SLC9A5: variants seen among roughly 807,000 people sequenced by gnomAD.
SLC9A5 encodes the protein sodium/hydrogen exchanger 5.
In SLC9A5, 52 loss-of-function variants were observed where a neutral mutation model predicts 91.7. That is an observed-to-expected ratio of 0.57 (90% CI 0.45 to 0.71). SLC9A5 has a LOEUF of 0.71. Ranked by LOEUF, SLC9A5 falls within the 30% of genes least tolerant of loss-of-function variation. The pLI is 0.00. For synonymous variants in SLC9A5, 419 were observed against 474.5 expected (o/e 0.88, Z 1.52); for missense variants, 871 against 1,158.9 (o/e 0.75, Z 3.61).
At position 67,252,930 on chromosome 16, in the gene SLC9A5, C is replaced by T. The variant is rs2035183683; in HGVS notation, c.490+86C>T. On this transcript the variant is annotated intron_variant, in intron 2 of 15. Transcript: ENST00000299798. The surrounding 1 kb of genome is among the most constrained non-coding windows in gnomAD (Gnocchi z 4.0). ...CTCTGGAGGCCCATGCTGGTGTGAGCCATGCCCTGAAAGCTCCATCCTAGG... is the reference window on the plus strand; with the variant it reads ...CTCTGGAGGCCCATGCTGGTGTGAGTCATGCCCTGAAAGCTCCATCCTAGG... 15 of 1,270,226 alleles carry T rather than the reference C, an allele frequency of 1.2e-5. No individual in the cohort carries two copies. The highest frequency in any genetic ancestry group is 1.5e-5 in the Non-Finnish European group (14 of 929,252). 78.7% of individuals were successfully genotyped at this position (1,270,226 alleles called of 1,614,324 possible).
In SLC9A5 at chr16:67,259,598, G is replaced by T; in HGVS notation, c.1652G>T (p.Gly551Val). 2 of 1,614,078 alleles carry T rather than the reference G, an allele frequency of 1.2e-6. No homozygotes were observed. The highest frequency in any genetic ancestry group is 2.2e-5 in the South Asian group (2 of 91,082). Residue 551 changes from glycine (G) to valine (V), a missense_variant, in exon 11 of 16, where the codon GGT (glycine) becomes GTT (valine). This residue lies in a region of SLC9A5 where 454 missense variants were observed against 718.3 expected (regional missense o/e 0.63). Coordinates refer to ENST00000299798, the MANE Select transcript of SLC9A5 (RefSeq NM_004594.3). ...DQGGHVLSST[G>V]LTLPSMPSRN... ...GGAGGCCACGTCTTGTCTTCCACAGGTCTCACTCTGCCTTCTATGCCCAGC... is the reference window on the plus strand; with the variant it reads ...GGAGGCCACGTCTTGTCTTCCACAGTTCTCACTCTGCCTTCTATGCCCAGC...
intron 1 of SLC9A5, among the ~76,000 whole-genome samples, chr16:67,251,534 C>T (rs892871168): frequency 9.5e-5 from 14 of 147,982 alleles, no homozygotes; most frequent in Non-Finnish European, 4.4e-5. Context: ...CTGCCTCAGT[C>T]TCCCAAGTAG....
Position 67,256,534 on chromosome 16 carries a change from C to G in SLC9A5, c.977C>G (p.Thr326Arg). 6.2e-7 allele frequency: 1 copy of G among 1,614,002 alleles called. No individual in the cohort carries two copies. The highest frequency in any genetic ancestry group is 8.5e-7 in the Non-Finnish European group (1 of 1,179,994). The change falls in exon 6 of 16, where the codon ACA becomes AGA. Residue 326 changes from threonine to arginine, a missense_variant. Thr to Arg is a moderately conservative substitution (Grantham distance 71). Transcript: ENST00000299798. This position sits in a 1 kb window ranked among gnomAD's most constrained non-coding sequence, Gnocchi z 4.1. ...GCCAACATCTCCCATAAGTCACGCA[C>G]AACTGTCAAATATACAATGAAGACT... is the stretch of plus-strand genomic sequence containing the variant. ...VEANISHKSR[T>R]TVKYTMKTLA... is the part of the protein sequence containing the mutation.
At chr16:67,264,597 G>C in intron 13 of SLC9A5, 75 bp downstream of exon 13, 1 of 1,499,164 alleles carries the variant, frequency 6.7e-7, no homozygotes, top group Non-Finnish European at 9.3e-7. Context: ...CTAGTGTTAG[G>C]ATCCAGCTTA....
intron 15 of SLC9A5, among the ~76,000 whole-genome samples, chr16:67,266,857 T>TC (rs2035725972): frequency 6.6e-6 from 1 of 150,704 alleles, no homozygotes; most frequent in African/African-American, 2.4e-5. Context: ...TTTCTTTTTT[T>TC]TTTTTTTTTT....
chr16:67,255,993 A>G lies in SLC9A5; in HGVS notation c.911+63A>G. 1 of 1,535,006 alleles carries G rather than the reference A, an allele frequency of 6.5e-7. No homozygotes were observed. The highest frequency in any genetic ancestry group is 2.3e-5 in the East Asian group (1 of 43,938). On this transcript the variant is annotated intron_variant, in intron 5 of 15. Coordinates refer to ENST00000299798, the MANE Select transcript of SLC9A5 (RefSeq NM_004594.3). This position sits in a 1 kb window ranked among gnomAD's most constrained non-coding sequence, Gnocchi z 4.9. Reference sequence around the variant, plus strand: ...GGGGCACTGGAGATGGTTGCCCCTCATAGGGACACAGGCAGGAACTTCAGG... The same window carrying G: ...GGGGCACTGGAGATGGTTGCCCCTCGTAGGGACACAGGCAGGAACTTCAGG...
chr16:67,265,946 C>A, intron 14 of SLC9A5, 142 bp from the exon 15 acceptor site: 1 of 1,118,522 alleles, frequency 8.9e-7, no homozygotes, highest in Non-Finnish European at 1.2e-6. Context: ...TAGGCCAGTG[C>A]TTGAAACAGC....
Position 67,271,595 on chromosome 16 carries a change from A to C in SLC9A5, c.*385A>C, listed in dbSNP as rs535617094. On this transcript the variant is annotated 3_prime_UTR_variant, in exon 16 of 16. Coordinates refer to ENST00000299798, the MANE Select transcript of SLC9A5 (RefSeq NM_004594.3). Reference sequence around the variant, plus strand: ...TCATTCCTATTCTTCAGTGGATGCCAGCCTTCCCTGCCCCAACTCCCTCCC... The same window carrying C: ...TCATTCCTATTCTTCAGTGGATGCCCGCCTTCCCTGCCCCAACTCCCTCCC... The C allele has an allele frequency of 1.9e-4, 41 of 218,930 alleles. No individual in the cohort carries two copies. In the South Asian group the frequency reaches 3.4e-3, roughly 18 times the overall value. 13.6% of individuals were successfully genotyped at this position (218,930 alleles called of 1,614,324 possible). A position where few individuals can be genotyped will look rare whatever the true frequency, so the allele number is the denominator to read the frequency against.
At position 67,271,029 on chromosome 16, in the gene SLC9A5, C is replaced by G. The variant is rs1252544237; in HGVS notation, c.2510C>G (p.Ser837Cys). The change falls in exon 16 of 16, where the codon TCT becomes TGT. Residue 837 changes from serine to cysteine, a missense_variant. By Grantham distance (112) the Ser-to-Cys change is moderately radical. Around this residue, in one of 3 missense-constraint regions of SLC9A5, gnomAD observed 295 missense variants for 326.0 expected, o/e 0.90. Coordinates refer to ENST00000299798, the MANE Select transcript of SLC9A5 (RefSeq NM_004594.3). ...CTCCACCTACCTTCTGATCCACGCT[C>G]TAGCTTCGCCTTCCCACCGAGCCTG... ...VPLHLPSDPR[S>C]SFAFPPSLAK... is the part of the protein sequence containing the mutation. 3 of 1,613,174 alleles carry G rather than the reference C, an allele frequency of 1.9e-6. No individual in the cohort carries two copies. Among genetic ancestry groups the G allele is most frequent in the Non-Finnish European group, 1.7e-6 (2 of 1,179,374 alleles).
At position 67,256,441 on chromosome 16, in the gene SLC9A5, C is replaced by G. The variant is rs748555438; in HGVS notation, c.912-28C>G. On this transcript the variant is annotated intron_variant, in intron 5 of 15. Coordinates refer to ENST00000299798, the MANE Select transcript of SLC9A5 (RefSeq NM_004594.3). This position sits in a 1 kb window ranked among gnomAD's most constrained non-coding sequence, Gnocchi z 4.1. Reference sequence around the variant, plus strand: ...CTGAGCCCCCTGGAACCCTTCCCCACTTGCCATGTCTCTCCATCCTCTCCC... The same window carrying G: ...CTGAGCCCCCTGGAACCCTTCCCCAGTTGCCATGTCTCTCCATCCTCTCCC... The G allele has an allele frequency of 6.5e-7, 1 of 1,546,952 alleles. No individual in the cohort carries two copies. The highest frequency in any genetic ancestry group is 1.1e-5 in the South Asian group (1 of 89,990).
In SLC9A5 at chr16:67,271,011, T is replaced by C. The variant is rs778844833; in HGVS notation, c.2492T>C (p.Leu831Pro). Residue 831 changes from leucine (L) to proline (P), a missense_variant, in exon 16 of 16, where the codon CTA (leucine) becomes CCA (proline). This residue lies in a region of SLC9A5 where 295 missense variants were observed against 326.0 expected (regional missense o/e 0.90). Transcript: ENST00000299798. ...GTEEPQVPLH[L>P]PSDPRSSFAF... is the part of the protein sequence containing the mutation. The stretch of plus-strand genomic sequence containing the variant: ...GAAGAGCCCCAGGTCCCTCTCCACC[T>C]ACCTTCTGATCCACGCTCTAGCTTC... 1 of 1,613,812 alleles carries C rather than the reference T, an allele frequency of 6.2e-7. No individual in the cohort carries two copies. Among genetic ancestry groups the C allele is most frequent in the Admixed American group, 1.7e-5 (1 of 60,004 alleles).
chr16:67,264,540 G>T lies in SLC9A5; in HGVS notation c.2013+18G>T. On this transcript the variant is annotated intron_variant, in intron 13 of 15. Transcript: ENST00000299798. ...GCAGGAAGGCATGTCTTCCCTCAGGGACTCCTCTTGGGAGCTGGAGGCTGA... is the reference window on the plus strand; with the variant it reads ...GCAGGAAGGCATGTCTTCCCTCAGGTACTCCTCTTGGGAGCTGGAGGCTGA... 1 of 1,613,734 alleles carries T rather than the reference G, an allele frequency of 6.2e-7. No individual in the cohort carries two copies.
At chr16:67,264,742 C>T (rs755380693) in intron 13 of SLC9A5, among the ~76,000 whole-genome samples, 3 of 152,156 alleles carry the variant, frequency 2.0e-5, no homozygotes, top group Non-Finnish European at 2.9e-5. Flanking sequence ...GCCATGTGGT[C>T]ACCTGCTGGG....
Position 67,264,466 on chromosome 16 carries a change from C to T in SLC9A5, c.1957C>T (p.His653Tyr). 6.2e-7 allele frequency: 1 copy of T among 1,614,206 alleles called. No homozygotes were observed. Among genetic ancestry groups the T allele is most frequent in the Non-Finnish European group, 8.5e-7 (1 of 1,180,034 alleles). The change falls in exon 13 of 16, where the codon CAC becomes TAC. Residue 653 changes from histidine to tyrosine, a missense_variant. Around this residue, in one of 3 missense-constraint regions of SLC9A5, gnomAD observed 295 missense variants for 326.0 expected, o/e 0.90. Coordinates refer to ENST00000299798, the MANE Select transcript of SLC9A5 (RefSeq NM_004594.3). ...GCTGGAGTCCTTTAAGTCCACCAAG[C>T]ACAACATCTGCTTCACCAAGAGCAA... ...RRLESFKSTK[H>Y]NICFTKSKPR...
rs2035922309 is a variant in SLC9A5 at position 67,271,432 on chromosome 16, A to C, written c.*222A>C. On this transcript the variant is annotated 3_prime_UTR_variant, in exon 16 of 16. Coordinates refer to ENST00000299798, the MANE Select transcript of SLC9A5 (RefSeq NM_004594.3). ...ACCCCTGCCACTTTCTGTTTCATTA[A>C]GGCCTCTACTCTGGCTCAGGACCCA... 1 of 586,590 alleles carries C rather than the reference A, an allele frequency of 1.7e-6. No individual in the cohort carries two copies. 36.3% of individuals were successfully genotyped at this position (586,590 alleles called of 1,614,324 possible).
Position 67,255,884 on chromosome 16 carries a change from G to A in SLC9A5, c.865G>A (p.Ala289Thr), listed in dbSNP as rs761851419. 21 of 1,613,600 alleles carry A rather than the reference G, an allele frequency of 1.3e-5. No homozygotes were observed. The Admixed American group carries it at 1.3e-4, about 10-fold the overall frequency. Residue 289 changes from alanine (A) to threonine (T), a missense_variant, in exon 5 of 16, where the codon GCA becomes ACA. Physicochemically the swap from Ala to Thr is moderately conservative, Grantham distance 58. Transcript: ENST00000299798. The surrounding 1 kb of genome is among the most constrained non-coding windows in gnomAD (Gnocchi z 4.9). ...GCTGCTGGTCTTCCTCCTCGCCTAC[G>A]CAGCCTACCTCACTGCTGAAATGGC... ...EPLLVFLLAY[A>T]AYLTAEMASL... is the part of the protein sequence containing the mutation.
In SLC9A5 at chr16:67,252,017, A is replaced by T. The variant is rs1474110202; in HGVS notation, c.188-525A>T. ...AAGGAAGGGACATTTCTAGAAGGGG[A>T]AAAAGCAGTAAAGGCCTAGGTTACC... On this transcript the variant is annotated intron_variant, in intron 1 of 15. Coordinates refer to ENST00000299798, the MANE Select transcript of SLC9A5 (RefSeq NM_004594.3). The surrounding 1 kb of genome is among the most constrained non-coding windows in gnomAD (Gnocchi z 4.0). Among the ~76,000 whole-genome samples, 1 of 152,214 alleles carries T rather than the reference A, an allele frequency of 6.6e-6. No individual in the cohort carries two copies. The highest frequency in any genetic ancestry group is 1.5e-5 in the Non-Finnish European group (1 of 68,036).
Position 67,258,620 on chromosome 16 carries a change from T to C in SLC9A5, c.1626+173T>C, listed in dbSNP as rs2035406258. Among the ~76,000 whole-genome samples the C allele has an allele frequency of 6.6e-6, 1 of 152,112 alleles. No homozygotes were observed. The highest frequency in any genetic ancestry group is 2.1e-4 in the South Asian group (1 of 4,824). ...GAAGCAGCTGGGTCTGGTGCTGACA[T>C]TCAGAGTCTGGCAGGCAGTCCAGAG... On this transcript the variant is annotated intron_variant, in intron 10 of 15. Transcript: ENST00000299798. The surrounding 1 kb of genome is among the most constrained non-coding windows in gnomAD (Gnocchi z 4.5).
At position 67,258,219 on chromosome 16, in the gene SLC9A5, C is replaced by A; in HGVS notation, c.1497-99C>A. 1 of 1,286,158 alleles carries A rather than the reference C, an allele frequency of 7.8e-7. No homozygotes were observed. Among genetic ancestry groups the A allele is most frequent in the Middle Eastern group, 2.0e-4 (1 of 4,898 alleles). The allele number at this position is 1,286,158 out of a possible 1,614,324, so 79.7% of individuals were successfully genotyped here. A position where few individuals can be genotyped will look rare whatever the true frequency, so the allele number is the denominator to read the frequency against. On this transcript the variant is annotated intron_variant, in intron 9 of 15. Coordinates refer to ENST00000299798, the MANE Select transcript of SLC9A5 (RefSeq NM_004594.3). This position sits in a 1 kb window ranked among gnomAD's most constrained non-coding sequence, Gnocchi z 4.5. ...CTGGCTGAGGCCCATATCTAAAAAG[C>A]CAGGCCAGTGCTGACGGTGTCCTTG...
Sources: gnomAD v4.1 joint callset for allele counts (sites outside exome capture counted in the v4.1 genomes callset) on GRCh38, gnomAD v4.1.1 for gene constraint, gnomAD v4.1.1 regional missense constraint, Gnocchi (gnomAD v3.1) non-coding constraint, MANE v1.5 for transcripts, NCBI Gene and HGNC (gene_info 2026-07-23, HGNC 2026-07-21) for gene names.